Variants in USP42 observed in about 807,000 individuals in gnomAD.
USP42 encodes the protein ubiquitin carboxyl-terminal hydrolase 42.
In USP42, 23 loss-of-function variants were observed where a neutral mutation model predicts 113.0. The observed-to-expected ratio is 0.20, with a 90% confidence interval of 0.15 to 0.29. USP42 has a LOEUF of 0.29. Ranked by LOEUF, USP42 falls within the 10% of genes least tolerant of loss-of-function variation. USP42 has a pLI of 1.00. For synonymous variants in USP42, 933 were observed against 699.0 expected (o/e 1.33, Z -5.28); for missense variants, 2,174 against 1,779.8 (o/e 1.22, Z -3.99).
At chr7:6,146,072 A>G in intron 10 of USP42, 76 bp from the exon 11 acceptor site, 1 of 1,177,876 alleles carries the variant, frequency 8.5e-7, no homozygotes, top group Non-Finnish European at 1.2e-6. Flanking sequence ...AAAAAAAAAG[A>G]AAGAAATATT....
In USP42 at chr7:6,139,310, T is replaced by C; in HGVS notation, c.656+116T>C. 1 of 797,302 alleles carries C rather than the reference T, an allele frequency of 1.3e-6. No homozygotes were observed. The highest frequency in any genetic ancestry group is 3.0e-5 in the East Asian group (1 of 33,770). 49.4% of individuals were successfully genotyped at this position (797,302 alleles called of 1,614,324 possible). On this transcript the variant is annotated intron_variant, in intron 5 of 17. Coordinates refer to ENST00000306177, the MANE Select transcript of USP42 (RefSeq NM_032172.3). This position sits in a 1 kb window ranked among gnomAD's most constrained non-coding sequence, Gnocchi z 4.5. ...GAAGCACACAGAACAGTGTTCACTTTACCTTTTGGCTTTGCTCTGCCTCTT... is the reference window on the plus strand; with the variant it reads ...GAAGCACACAGAACAGTGTTCACTTCACCTTTTGGCTTTGCTCTGCCTCTT...
At chr7:6,155,234 T>C (rs1384645239) in intron 15 of USP42, 39 bp downstream of exon 15, 20 of 1,487,748 alleles carry the variant, frequency 1.3e-5, no homozygotes, top group Non-Finnish European at 1.8e-5. Flanking sequence ...GCGCTGGCGC[T>C]GCTGTCAGCA....
At chr7:6,116,916 G>A (rs1261600616) in intron 3 of USP42, 1 of 511,936 alleles carries the variant, frequency 2.0e-6, no homozygotes, top group Non-Finnish European at 3.9e-6. Flanking sequence ...ACAAAATTCA[G>A]AAGCTCCCGA....
chr7:6,134,878 C>T (rs1195660731), intron 3 of USP42, among the ~76,000 whole-genome samples: 1 of 152,144 alleles, frequency 6.6e-6, no homozygotes, highest in Non-Finnish European at 1.5e-5. Context: ...CTCAGCCTCC[C>T]TGGGATCAGG....
the USP42 span, among the ~76,000 whole-genome samples, chr7:6,091,991 T>C: frequency 5.0e-4 from 29 of 58,128 alleles, 2 homozygotes; most frequent in South Asian, 2.1e-3. Context: ...CTTCTTCTTC[T>C]TCTTCTTCTT....
rs1358974709 is a variant in USP42 at position 6,156,772 on chromosome 7, C to T, written c.3660C>T (p.Asp1220=). The change falls in exon 16 of 18, where the codon GAC becomes GAT. Residue 1220 remains aspartate, a synonymous_variant. Coordinates refer to ENST00000306177, the MANE Select transcript of USP42 (RefSeq NM_032172.3). The part of the protein sequence containing the change: ...DRDSRHQQDS[D]LSAACSDADL... ...TCTGCAGGCATCAGCAGGACTCAGA[C>T]CTCTCAGCAGCGTGCTCTGACGCTG... 11 of 1,561,318 alleles carry T rather than the reference C, an allele frequency of 7.0e-6. No homozygotes were observed. The highest frequency in any genetic ancestry group is 9.5e-6 in the Non-Finnish European group (11 of 1,159,224).
Position 6,149,659 on chromosome 7 carries a change from C to G in USP42, c.1463C>G (p.Ser488Cys). Reference protein sequence around the residue: ...SSSMSSPNGNSSVNRASPVNA... With the variant: ...SSSMSSPNGNCSVNRASPVNA... ...TCCATGTCGAGTCCTAACGGGAATTCCAGTGTCAACAGGGCTAGTCCTGTT... is the reference window on the plus strand; with the variant it reads ...TCCATGTCGAGTCCTAACGGGAATTGCAGTGTCAACAGGGCTAGTCCTGTT... The change falls in exon 13 of 18, where the codon TCC becomes TGC. Residue 488 changes from serine to cysteine, a missense_variant. By Grantham distance (112) the Ser-to-Cys change is moderately radical. Coordinates refer to ENST00000306177, the MANE Select transcript of USP42 (RefSeq NM_032172.3). 1 of 1,613,942 alleles carries G rather than the reference C, an allele frequency of 6.2e-7. No homozygotes were observed. Among genetic ancestry groups the G allele is most frequent in the East Asian group, 2.2e-5 (1 of 44,870 alleles).
At chr7:6,100,004 C>CTATTTTTATTACTATTAT (rs141280623), upstream of USP42, among the ~76,000 whole-genome samples, 1 of 144,290 alleles carries the variant, frequency 6.9e-6, no homozygotes, top group Non-Finnish European at 1.5e-5. Flanking sequence ...TTTCACAAGT[C>CTATTTTTATTACTATTAT]TATTATTATT....
At position 6,153,792 on chromosome 7, in the gene USP42, C is replaced by G. The variant is rs982337623; in HGVS notation, c.2238C>G (p.Arg746=). ...PGAERGPPED[R]DAEPQPGSPA... is the part of the protein sequence containing the mutation. ...CAGAGAGGGGCCCTCCCGAGGACCG[C>G]GACGCCGAGCCTCAGCCTGGCAGCC... The change falls in exon 15 of 18, where the codon CGC becomes CGG. Residue 746 remains arginine (R), a synonymous_variant. Transcript: ENST00000306177. The G allele has an allele frequency of 1.2e-5, 18 of 1,503,568 alleles. No individual in the cohort carries two copies. Among genetic ancestry groups the G allele is most frequent in the Middle Eastern group, 2.4e-4 (1 of 4,230 alleles). 93.1% of individuals were successfully genotyped at this position (1,503,568 alleles called of 1,614,324 possible). A position where few individuals can be genotyped will look rare whatever the true frequency, so the allele number is the denominator to read the frequency against.
In USP42 at chr7:6,131,505, A is replaced by G. The variant is rs888218418; in HGVS notation, c.443-4336A>G. ...AACAAACCAAACAAAAACAAACATC[A>G]TAATATACAGAAAAAAATACACACA... On this transcript the variant is annotated intron_variant, in intron 3 of 17. Coordinates refer to ENST00000306177, the MANE Select transcript of USP42 (RefSeq NM_032172.3). 3.9e-5 allele frequency among the ~76,000 whole-genome samples: 6 copies of G among 152,232 alleles called. No individual in the cohort carries two copies. The South Asian group carries it at 6.2e-4, about 16-fold the overall frequency.
At chr7:6,134,480 A>G (rs1458648313) in intron 3 of USP42, among the ~76,000 whole-genome samples, 4 of 152,178 alleles carry the variant, frequency 2.6e-5, no homozygotes, top group Non-Finnish European at 5.9e-5. Flanking sequence ...TTAATTGGGA[A>G]TAGCTTGATC....
chr7:6,096,902 A>T, the USP42 span, among the ~76,000 whole-genome samples: 1 of 147,148 alleles, frequency 6.8e-6, no homozygotes, highest in Non-Finnish European at 1.5e-5. Flanking sequence ...ACACTCCAGG[A>T]TGCCATCATT....
At chr7:6,111,474 G>C (rs560244987) in intron 2 of USP42, 100 bp downstream of exon 2, 1 of 1,428,202 alleles carries the variant, frequency 7.0e-7, no homozygotes, top group Non-Finnish European at 9.4e-7. Flanking sequence ...CAAGGCGTGA[G>C]GCCACCTGAG....
chr7:6,137,111 A>G (rs1028998700), intron 4 of USP42, among the ~76,000 whole-genome samples: 1 of 152,238 alleles, frequency 6.6e-6, no homozygotes, highest in Non-Finnish European at 1.5e-5. Context: ...GGAATAAAAA[A>G]TGCATACAAA....
chr7:6,112,071 A>C (rs1179777282), intron 2 of USP42: 2 of 152,264 alleles, frequency 1.3e-5, no homozygotes, highest in African/African-American at 2.4e-5. Context: ...CTTTTGACAA[A>C]TGAGCTTTAC....
chr7:6,149,849 G>C lies in USP42; in HGVS notation c.1653G>C (p.Lys551Asn), dbSNP rs975654580. 1 of 1,613,850 alleles carries C rather than the reference G, an allele frequency of 6.2e-7. No individual in the cohort carries two copies. Among genetic ancestry groups the C allele is most frequent in the Admixed American group, 1.7e-5 (1 of 60,002 alleles). ...LHSNSLENPT[K>N]PVPSSTITNS... is the part of the protein sequence containing the mutation. ...GTAATTCTTTGGAGAACCCTACCAA[G>C]CCCGTTCCCTCTTCTACCATTACCA... The change falls in exon 13 of 18, where the codon AAG (lysine) becomes AAC (asparagine). Residue 551 changes from lysine to asparagine, a missense_variant. By Grantham distance (94) the Lys-to-Asn change is moderately conservative. Coordinates refer to ENST00000306177, the MANE Select transcript of USP42 (RefSeq NM_032172.3).
chr7:6,142,514 C>A (rs1053373559), intron 7 of USP42, among the ~76,000 whole-genome samples: 1 of 152,154 alleles, frequency 6.6e-6, no homozygotes, highest in Non-Finnish European at 1.5e-5. Context: ...CCACGCCCGC[C>A]CGGAAAATTT....
At chr7:6,118,080 A>G (rs1206677107) in intron 3 of USP42, among the ~76,000 whole-genome samples, 2 of 148,128 alleles carry the variant, frequency 1.4e-5, no homozygotes, top group Admixed American at 1.3e-4. Flanking sequence ...TTTTCTTTTT[A>G]TTCGTTGTGC....
chr7:6,156,410 A>C (rs1782446465), intron 15 of USP42, among the ~76,000 whole-genome samples: 1 of 152,126 alleles, frequency 6.6e-6, no homozygotes, highest in African/African-American at 2.4e-5. Context: ...AAAGTTGGTG[A>C]ATTTATGGCC....
Sources: allele counts gnomAD v4.1 joint callset (sites outside exome capture counted in the v4.1 genomes callset), GRCh38; gene constraint gnomAD v4.1.1; non-coding constraint Gnocchi (gnomAD v3.1); transcripts MANE v1.5; gene names NCBI Gene and HGNC (gene_info 2026-07-23, HGNC 2026-07-21).